NSUN7: variants seen among roughly 807,000 people sequenced by gnomAD.
The protein encoded by NSUN7 is NOP2/Sun RNA methyltransferase family member 7.
In NSUN7, 39 loss-of-function variants were observed where a neutral mutation model predicts 58.5. The ratio of observed to expected loss-of-function variants is 0.67; its 90% confidence interval spans 0.52 to 0.87. The LOEUF (loss-of-function observed/expected upper bound fraction) is 0.87, where lower values mean the gene tolerates loss of function less well. NSUN7 is among the 40% of genes least tolerant of loss of function. NSUN7 has a pLI of 0.00. For missense variants in NSUN7, 765 were observed against 844.1 expected, an observed-to-expected ratio of 0.91 and a Z score of 1.16; for synonymous variants, 278 against 303.7, an observed-to-expected ratio of 0.92 and a Z score of 0.88.
In NSUN7 at chr4:40,761,750, A is replaced by C. The variant is rs144215074; in HGVS notation, c.488+449A>C. The stretch of plus-strand genomic sequence containing the variant: ...TACTTAAGAACAAACTAACATCTTA[A>C]ATTTGTTTTCTTTTTATCCTAAATA... On this transcript the variant is annotated intron_variant, in intron 4 of 11. Transcript: ENST00000381782. 4.6e-5 allele frequency among the ~76,000 whole-genome samples: 7 copies of C among 152,318 alleles called. No individual in the cohort carries two copies. The East Asian group carries it at 1.3e-3, about 29-fold the overall frequency.
intron 8 of NSUN7, among the ~76,000 whole-genome samples, chr4:40,793,930 T>C (rs776853671): frequency 3.3e-5 from 5 of 152,236 alleles, no homozygotes; most frequent in Non-Finnish European, 5.9e-5. Flanking sequence ...CTGAATTTTT[T>C]CTTCCAAAGT....
At chr4:40,790,040 G>C (rs985429073) in intron 7 of NSUN7, among the ~76,000 whole-genome samples, 1 of 148,306 alleles carries the variant, frequency 6.7e-6, no homozygotes, top group African/African-American at 2.5e-5. Flanking sequence ...AAACTTATAA[G>C]TGCTTCTGAT....
chr4:40,757,543 A>G (rs1362979754), intron 2 of NSUN7, among the ~76,000 whole-genome samples: 1 of 146,862 alleles, frequency 6.8e-6, no homozygotes, highest in Non-Finnish European at 1.5e-5. Context: ...AATTATATAT[A>G]TATATATAAA....
chr4:40,768,317 T>G lies in NSUN7; in HGVS notation c.489-5948T>G, dbSNP rs561162093. Among the ~76,000 whole-genome samples, 5 of 151,562 alleles carry G rather than the reference T, an allele frequency of 3.3e-5. No individual in the cohort carries two copies. In the South Asian group the frequency reaches 1.0e-3, roughly 32 times the overall value. On this transcript the variant is annotated intron_variant, in intron 4 of 11. Transcript: ENST00000381782. ...CCTGAGCTCAAGCAGTTCTCCTGCC[T>G]CAGCCTCCCAAGTAGCTGGGATTAC...
At chr4:40,802,048 TTATAG>T in intron 10 of NSUN7, among the ~76,000 whole-genome samples, 1 of 152,332 alleles carries the variant, frequency 6.6e-6, no homozygotes. Context: ...ATCAGTTTTC[TTATAG>T]TACTTTCATA....
chr4:40,778,613 T>C (rs1742379908), intron 7 of NSUN7, among the ~76,000 whole-genome samples: 3 of 152,186 alleles, frequency 2.0e-5, no homozygotes, highest in Admixed American at 2.0e-4. Flanking sequence ...GGTGCCTTGA[T>C]CTTCAACTTC....
Position 40,794,380 on chromosome 4 carries a change from G to A in NSUN7, c.1186G>A (p.Glu396Lys). 1.3e-6 allele frequency: 2 copies of A among 1,595,198 alleles called. No individual in the cohort carries two copies. Among genetic ancestry groups the A allele is most frequent in the Non-Finnish European group, 1.7e-6 (2 of 1,166,720 alleles). The change falls in exon 9 of 12, where the codon GAA becomes AAA. Residue 396 changes from glutamate to lysine, a missense_variant. Glu to Lys is a moderately conservative substitution (Grantham distance 56). Coordinates refer to ENST00000381782, the MANE Select transcript of NSUN7 (RefSeq NM_024677.6). ...CATTTCTTTTTAAAATTCAGATACA[G>A]AATTCCTTAAAGATCACTCTCAAGG... ...EFILNEHEDT[E>K]FLKDHSQGGI...
chr4:40,757,702 TACATTGTGTGTGTGTGTATATATACACAC>T (rs1741230845), intron 2 of NSUN7, among the ~76,000 whole-genome samples: 1 of 126,430 alleles, frequency 7.9e-6, no homozygotes, highest in Non-Finnish European at 1.7e-5. Flanking sequence ...TGTATATATA[TACATTGTGTGTGTGTGTATATATACACAC>T]ACACACACAC....
At chr4:40,805,580 A>G (rs1427519505) in intron 10 of NSUN7, among the ~76,000 whole-genome samples, 1 of 152,214 alleles carries the variant, frequency 6.6e-6, no homozygotes, top group East Asian at 1.9e-4. Context: ...TACATCTGCA[A>G]AATCCCCTTT....
chr4:40,766,814 A>G (rs1439603258), intron 4 of NSUN7, among the ~76,000 whole-genome samples: 3 of 150,322 alleles, frequency 2.0e-5, no homozygotes, highest in Non-Finnish European at 3.0e-5. Context: ...GTCTTGGGAG[A>G]GTGTATGTGT....
intron 8 of NSUN7, among the ~76,000 whole-genome samples, chr4:40,791,776 T>G (rs989162342): frequency 6.6e-6 from 1 of 152,206 alleles, no homozygotes; most frequent in Non-Finnish European, 1.5e-5. Flanking sequence ...CTAATATTTA[T>G]TAAACACAAT....
intron 4 of NSUN7, among the ~76,000 whole-genome samples, chr4:40,768,204 CTT>C (rs761378053): frequency 2.8e-4 from 39 of 138,750 alleles, no homozygotes; most frequent in Non-Finnish European, 3.1e-4. Context: ...CTTTTTTTTT[CTT>C]TTTTTTTTTT....
At chr4:40,797,590 G>A (rs1743376415) in intron 9 of NSUN7, among the ~76,000 whole-genome samples, 1 of 152,148 alleles carries the variant, frequency 6.6e-6, no homozygotes, top group African/African-American at 2.4e-5. Context: ...GTATGAGGTA[G>A]GTTCTACATT....
intron 8 of NSUN7, among the ~76,000 whole-genome samples, chr4:40,792,557 C>T (rs1041903963): frequency 3.3e-5 from 5 of 152,072 alleles, no homozygotes; most frequent in African/African-American, 7.2e-5. Flanking sequence ...CGAGACCATC[C>T]TGGCTAACAC....
At chr4:40,790,564 T>C in intron 7 of NSUN7, 38 bp from the exon 8 acceptor site, 1 of 1,317,096 alleles carries the variant, frequency 7.6e-7, no homozygotes, top group Non-Finnish European at 1.1e-6. Context: ...GATTTTTCAT[T>C]AATATTTTAC....
chr4:40,799,676 T>C (rs1255601786), intron 10 of NSUN7, among the ~76,000 whole-genome samples: 1 of 152,182 alleles, frequency 6.6e-6, no homozygotes, highest in Non-Finnish European at 1.5e-5. Flanking sequence ...ATATTGAAGA[T>C]GTTTATAACT....
At chr4:40,803,210 A>G (rs1005953192) in intron 10 of NSUN7, among the ~76,000 whole-genome samples, 13 of 151,974 alleles carry the variant, frequency 8.6e-5, no homozygotes, top group Admixed American at 7.2e-4. Flanking sequence ...GGTTGGTTCC[A>G]AGTCTTTGCT....
chr4:40,759,328 TA>T (rs1560545807), intron 2 of NSUN7, among the ~76,000 whole-genome samples: 8 of 152,070 alleles, frequency 5.3e-5, no homozygotes, highest in African/African-American at 1.9e-4. Context: ...AATAAATAAA[TA>T]AAATAAAGCA....
At chr4:40,801,471 T>C (rs556907492) in intron 10 of NSUN7, among the ~76,000 whole-genome samples, 1 of 152,362 alleles carries the variant, frequency 6.6e-6, no homozygotes, top group South Asian at 2.1e-4. Flanking sequence ...CCCACTGTTT[T>C]CAACTGGATT....
Sources: gnomAD v4.1 joint callset for allele counts (sites outside exome capture counted in the v4.1 genomes callset) on GRCh38, gnomAD v4.1.1 for gene constraint, MANE v1.5 for transcripts, NCBI Gene and HGNC (gene_info 2026-07-23, HGNC 2026-07-21) for gene names.